Variants in PDE4B observed in about 807,000 individuals in gnomAD.
The protein encoded by PDE4B is 3',5'-cyclic-AMP phosphodiesterase 4B.
A neutral mutation model predicts 82.2 loss-of-function variants in PDE4B; 20 were observed. The ratio of observed to expected loss-of-function variants is 0.24; its 90% confidence interval spans 0.17 to 0.35. PDE4B has a LOEUF of 0.35. Ranked by LOEUF, PDE4B falls within the 10% of genes least tolerant of loss-of-function variation. PDE4B has a pLI of 1.00. For synonymous variants in PDE4B, 320 were observed against 318.9 expected (o/e 1.00, Z -0.04); for missense variants, 655 against 907.2 (o/e 0.72, Z 3.57).
Position 66,356,863 on chromosome 1 carries a change from C to T in PDE4B, c.841+1243C>T, listed in dbSNP as rs539470085. Among the ~76,000 whole-genome samples, 33 of 152,272 alleles carry T rather than the reference C, an allele frequency of 2.2e-4. No individual in the cohort carries two copies. The South Asian group carries it at 6.4e-3, about 30-fold the overall frequency. On this transcript the variant is annotated intron_variant, in intron 9 of 16. Transcript: ENST00000341517. ...TGATTTTCTCCAGCTGCAGTTGCAA[C>T]GCCTTTGTCAGAGAACAAAGGAGAA... is the stretch of plus-strand genomic sequence containing the variant.
At chr1:65,903,485 T>A (rs2100428421) in intron 1 of PDE4B, among the ~76,000 whole-genome samples, 1 of 152,048 alleles carries the variant, frequency 6.6e-6, no homozygotes, top group Non-Finnish European at 1.5e-5. Context: ...CCCTGCTCAT[T>A]TGAGAGGCTG....
intron 3 of PDE4B, chr1:66,152,530 G>T: frequency 6.1e-6 from 2 of 328,788 alleles, no homozygotes; most frequent in South Asian, 5.0e-5. Context: ...CAGAACTGAT[G>T]AGGTATGTAT....
At chr1:66,011,024 T>C (rs577207680) in intron 3 of PDE4B, among the ~76,000 whole-genome samples, 1 of 151,814 alleles carries the variant, frequency 6.6e-6, no homozygotes, top group Non-Finnish European at 1.5e-5. Context: ...ATATAATGTG[T>C]ACTCTTTTGT....
chr1:65,871,525 G>A (rs1263062362), intron 1 of PDE4B, among the ~76,000 whole-genome samples: 3 of 152,166 alleles, frequency 2.0e-5, no homozygotes, highest in Non-Finnish European at 4.4e-5. Context: ...TTATTTCACA[G>A]CATTATTGTT....
chr1:66,113,918 G>C (rs994335246), intron 3 of PDE4B, among the ~76,000 whole-genome samples: 1 of 152,108 alleles, frequency 6.6e-6, no homozygotes, highest in Non-Finnish European at 1.5e-5. Context: ...ATGTGCATAA[G>C]GTCATTTAAT....
intron 3 of PDE4B, among the ~76,000 whole-genome samples, chr1:66,221,818 A>G (rs1028776360): frequency 1.3e-5 from 2 of 151,906 alleles, no homozygotes; most frequent in Non-Finnish European, 2.9e-5. Context: ...CCCTTTGGCT[A>G]ATATTATTGA....
chr1:65,808,958 A>G (rs1031664836), intron 1 of PDE4B, among the ~76,000 whole-genome samples: 4 of 152,182 alleles, frequency 2.6e-5, no homozygotes, highest in African/African-American at 9.6e-5. Flanking sequence ...CAATATGTTT[A>G]GGTTTTAACA....
chr1:66,315,661 T>C (rs1307986444), intron 7 of PDE4B, among the ~76,000 whole-genome samples: 1 of 152,156 alleles, frequency 6.6e-6, no homozygotes, highest in East Asian at 1.9e-4. Flanking sequence ...GATTTCACCA[T>C]GTTGGTCAGG....
intron 3 of PDE4B, among the ~76,000 whole-genome samples, chr1:66,236,264 G>A (rs775484446): frequency 2.6e-5 from 4 of 151,806 alleles, no homozygotes; most frequent in Admixed American, 6.6e-5. Flanking sequence ...ATATTTTACC[G>A]CTTTATCTAG....
chr1:65,890,391 G>A (rs1646840242), intron 1 of PDE4B, among the ~76,000 whole-genome samples: 1 of 151,916 alleles, frequency 6.6e-6, no homozygotes, highest in Admixed American at 6.6e-5. Flanking sequence ...GGGGAATTCT[G>A]GAGATTAATC....
intron 8 of PDE4B, among the ~76,000 whole-genome samples, chr1:66,333,759 A>T (rs1660299701): frequency 6.6e-6 from 1 of 152,160 alleles, no homozygotes; most frequent in Non-Finnish European, 1.5e-5. Context: ...GTGTGTCCTC[A>T]GGAGATCCTG....
chr1:66,106,090 T>A (rs1409498888), intron 3 of PDE4B, among the ~76,000 whole-genome samples: 3 of 152,052 alleles, frequency 2.0e-5, no homozygotes, highest in African/African-American at 2.4e-5. Context: ...CATAGATAGC[T>A]CTTATTATTT....
intron 10 of PDE4B, among the ~76,000 whole-genome samples, chr1:66,362,502 G>A (rs1168035512): frequency 3.9e-5 from 6 of 152,062 alleles, no homozygotes; most frequent in South Asian, 2.1e-4. Flanking sequence ...AGGCCAAGTC[G>A]TGGTGGAGAG....
At chr1:65,850,027 G>A (rs576435528) in intron 1 of PDE4B, among the ~76,000 whole-genome samples, 2 of 151,322 alleles carry the variant, frequency 1.3e-5, no homozygotes, top group African/African-American at 2.4e-5. Flanking sequence ...CAAAGCAGTT[G>A]CACCATTCGC....
chr1:66,145,969 T>C (rs1019112504), intron 3 of PDE4B, among the ~76,000 whole-genome samples: 2 of 152,210 alleles, frequency 1.3e-5, no homozygotes, highest in African/African-American at 4.8e-5. Context: ...GCTATATGAC[T>C]GCAATATTTG....
intron 1 of PDE4B, among the ~76,000 whole-genome samples, chr1:65,898,661 A>G (rs1646938028): frequency 6.6e-6 from 1 of 152,108 alleles, no homozygotes; most frequent in Non-Finnish European, 1.5e-5. Flanking sequence ...AAATAAACCA[A>G]AATACTTACA....
At chr1:66,311,250 A>T (rs1219633053) in intron 7 of PDE4B, among the ~76,000 whole-genome samples, 1 of 152,232 alleles carries the variant, frequency 6.6e-6, no homozygotes, top group African/African-American at 2.4e-5. Context: ...AATGTCTGTG[A>T]AACACATTCT....
intron 15 of PDE4B, 110 bp from the exon 16 acceptor site, chr1:66,368,677 A>G (rs1663433261): frequency 1.3e-6 from 1 of 746,000 alleles, no homozygotes; most frequent in South Asian, 4.1e-5. Flanking sequence ...TTATAATGCA[A>G]CTAAAATGTT....
At chr1:66,250,390 A>G (rs1653669457) in intron 4 of PDE4B, among the ~76,000 whole-genome samples, 1 of 152,210 alleles carries the variant, frequency 6.6e-6, no homozygotes, top group African/African-American at 2.4e-5. Flanking sequence ...ATTAAATCCT[A>G]GTAATAAAGG....
Sources: allele counts gnomAD v4.1 joint callset (sites outside exome capture counted in the v4.1 genomes callset), GRCh38; gene constraint gnomAD v4.1.1; transcripts MANE v1.5; gene names NCBI Gene and HGNC (gene_info 2026-07-23, HGNC 2026-07-21).